METTL27: variants seen among roughly 807,000 people sequenced by gnomAD.
METTL27 encodes the protein methyltransferase like 27, also known as methyltransferase-like protein 27.
Under a neutral mutation model 24.5 loss-of-function variants are expected in METTL27, and 29 were observed. The ratio of observed to expected loss-of-function variants is 1.18; its 90% confidence interval spans 0.88 to 1.61. METTL27 has a LOEUF of 1.61. Among genes scored for constraint, METTL27 ranks in the 40% most tolerant of loss-of-function variants. The pLI is 0.00. For missense variants in METTL27, 341 were observed against 324.3 expected, an observed-to-expected ratio of 1.05 and a Z score of -0.40; for synonymous variants, 138 against 146.8, an observed-to-expected ratio of 0.94 and a Z score of 0.43.
intron 5 of METTL27, among the ~76,000 whole-genome samples, chr7:73,835,660 CTG>C (rs1440971556): frequency 6.9e-6 from 1 of 145,026 alleles, no homozygotes. Context: ...AGGAGCATCT[CTG>C]CCTGGCCGCC....
chr7:73,840,256 T>C, intron 4 of METTL27, 136 bp from the exon 5 acceptor site: 6 of 1,444,838 alleles, frequency 4.2e-6, no homozygotes, highest in Non-Finnish European at 5.6e-6. Context: ...CCCTAGAGGA[T>C]AAGGTAAGTA....
chr7:73,838,567 C>T (rs1162816915), intron 5 of METTL27, among the ~76,000 whole-genome samples: 5 of 152,052 alleles, frequency 3.3e-5, no homozygotes, highest in African/African-American at 7.2e-5. Flanking sequence ...TAGAAGGGAG[C>T]GCAGTGAGAG....
Position 73,841,081 on chromosome 7 carries a change from C to T in METTL27, c.241G>A (p.Val81Met), listed in dbSNP as rs1042013064. 17 of 1,506,136 alleles carry T rather than the reference C, an allele frequency of 1.1e-5. No individual in the cohort carries two copies. Among genetic ancestry groups the T allele is most frequent in the Admixed American group, 8.3e-5 (3 of 36,110 alleles). The allele number at this position is 1,506,136 out of a possible 1,614,324, so 93.3% of individuals were successfully genotyped here. A position where few individuals can be genotyped will look rare whatever the true frequency, so the allele number is the denominator to read the frequency against. Residue 81 changes from valine to methionine, a missense_variant, in exon 3 of 6, where the codon GTG becomes ATG. Coordinates refer to ENST00000297873, the MANE Select transcript of METTL27 (RefSeq NM_152559.3). ...TGGAAGAGCCTCACCTCGGCAGCCA[C>T]TAGGCCTGTGCCACAGGCCACGTCC... ...ILDVACGTGL[V>M]AAELRAPGFL...
rs782230527 is a variant in METTL27, at chr7:73,834,860, A to G, written c.621T>C (p.Ala207=). The G allele has an allele frequency of 1.2e-6, 2 of 1,613,968 alleles. No individual in the cohort carries two copies. The highest frequency in any genetic ancestry group is 1.7e-5 in the Admixed American group (1 of 60,008). ...TCCAGCTCGGAGGTAGCCAGCTCCC[A>G]GCGGTCCACAGGCGGTCCACAGGCC... is the stretch of plus-strand genomic sequence containing the variant. ...VAWPVDRLWT[A]GSWLPPSWRW... The change falls in exon 6 of 6, where the codon GCT becomes GCC. Residue 207 remains alanine, a synonymous_variant. Coordinates refer to ENST00000297873, the MANE Select transcript of METTL27 (RefSeq NM_152559.3).
intron 5 of METTL27, among the ~76,000 whole-genome samples, chr7:73,837,857 T>G (rs1485321840): frequency 6.6e-6 from 1 of 151,954 alleles, no homozygotes; most frequent in African/African-American, 2.4e-5. Context: ...CCCCCCTTTT[T>G]TTTCTTTCTT....
chr7:73,841,788 A>C (rs1788366821), intron 2 of METTL27, among the ~76,000 whole-genome samples: 1 of 151,704 alleles, frequency 6.6e-6, no homozygotes, highest in Non-Finnish European at 1.5e-5. Flanking sequence ...CCCCACAGTG[A>C]CTTCTCAATA....
Position 73,836,236 on chromosome 7 carries a change from C to T in METTL27, c.479-1234G>A, listed in dbSNP as rs1349599257. Among the ~76,000 whole-genome samples, 4 of 115,740 alleles carry T rather than the reference C, an allele frequency of 3.5e-5. No homozygotes were observed. In the South Asian group the frequency reaches 9.5e-4, roughly 28 times the overall value. 75.9% of individuals were successfully genotyped at this position (115,740 alleles called of 152,430 possible). ...CCGTCCGGGAGGGAGGTGGGGGCAT[C>T]AGCCCCCCGCCCGGCCAGCCGCCCC... On this transcript the variant is annotated intron_variant, in intron 5 of 5. Coordinates refer to ENST00000297873, the MANE Select transcript of METTL27 (RefSeq NM_152559.3).
At position 73,834,937 on chromosome 7, in the gene METTL27, C is replaced by T; in HGVS notation, c.544G>A (p.Ala182Thr). ...GCCTGCTCCAGCCTGTCCAGGGTGG[C>T]CTCCAGAGCCTCCTTGTATTGAAGG... ...SNLQYKEALE[A>T]TLDRLEQAGM... Residue 182 changes from alanine to threonine, a missense_variant, in exon 6 of 6, where the codon GCC becomes ACC. Coordinates refer to ENST00000297873, the MANE Select transcript of METTL27 (RefSeq NM_152559.3). 1 of 1,613,940 alleles carries T rather than the reference C, an allele frequency of 6.2e-7. No individual in the cohort carries two copies. The highest frequency in any genetic ancestry group is 8.5e-7 in the Non-Finnish European group (1 of 1,179,964).
Position 73,842,063 on chromosome 7 carries a change from G to A in METTL27, c.78C>T (p.Ala26=), listed in dbSNP as rs782068699. ...VRAAHGIPDL[A]QKLHFYDRWA... Reference sequence around the variant, plus strand: ...AGCGGTCATAGAAATGGAGCTTTTGGGCCAGGTCGGGGATGCCATGCGCGG... The same window carrying A: ...AGCGGTCATAGAAATGGAGCTTTTGAGCCAGGTCGGGGATGCCATGCGCGG... The change falls in exon 2 of 6, where the codon GCC becomes GCT. Residue 26 remains alanine, a synonymous_variant. Coordinates refer to ENST00000297873, the MANE Select transcript of METTL27 (RefSeq NM_152559.3). The A allele has an allele frequency of 5.0e-6, 8 of 1,613,934 alleles. No individual in the cohort carries two copies. The South Asian group carries it at 8.8e-5, about 18-fold the overall frequency.
At chr7:73,835,134 T>A in intron 5 of METTL27, 132 bp from the exon 6 acceptor site, 2 of 1,349,898 alleles carry the variant, frequency 1.5e-6, no homozygotes, top group Non-Finnish European at 1.9e-6. Context: ...TCCCTCTCCC[T>A]CTCCCTCTCC....
chr7:73,834,839 G>C lies in METTL27; in HGVS notation c.642C>G (p.Ser214Arg). 6.2e-7 allele frequency: 1 copy of C among 1,614,092 alleles called. No homozygotes were observed. The highest frequency in any genetic ancestry group is 1.1e-5 in the South Asian group (1 of 91,086). The change falls in exon 6 of 6, where the codon AGC becomes AGG. Residue 214 changes from serine to arginine, a missense_variant. Ser to Arg is a moderately radical substitution (Grantham distance 110). Coordinates refer to ENST00000297873, the MANE Select transcript of METTL27 (RefSeq NM_152559.3). ...GCAGAGATGCCGGATACCACCTCCA[G>C]CTCGGAGGTAGCCAGCTCCCAGCGG... ...LWTAGSWLPP[S>R]WRWYPASLPR...
chr7:73,837,145 C>A (rs1348059746), intron 5 of METTL27, among the ~76,000 whole-genome samples: 1 of 143,606 alleles, frequency 7.0e-6, no homozygotes, highest in Non-Finnish European at 1.5e-5. Flanking sequence ...ACAAACACTG[C>A]GGAAGGCCGC....
intron 5 of METTL27, among the ~76,000 whole-genome samples, chr7:73,835,745 C>A: frequency 1.2e-5 from 1 of 81,210 alleles, no homozygotes; most frequent in East Asian, 3.3e-4. Flanking sequence ...TCCGCCCGGC[C>A]GCCATCCGAC....
At chr7:73,836,315 A>T (rs1317724057) in intron 5 of METTL27, among the ~76,000 whole-genome samples, 1 of 127,046 alleles carries the variant, frequency 7.9e-6, no homozygotes, top group Non-Finnish European at 1.7e-5. Flanking sequence ...TGCCCCGTCC[A>T]GTAGGTGAGG....
rs1212592049 is a variant in METTL27, at chr7:73,836,804, GA to G, written c.479-1803del. ...GTGTGCCCAACAGCTCATTGAGAAC[GA>G]GCCAGGATGACAATGGCGGCTTTGT... On this transcript the variant is annotated intron_variant, in intron 5 of 5. Transcript: ENST00000297873. Among the ~76,000 whole-genome samples the G allele has an allele frequency of 2.4e-5, 2 of 81,848 alleles. 1 individual carries two copies. 53.7% of individuals were successfully genotyped at this position (81,848 alleles called of 152,430 possible).
At position 73,834,797 on chromosome 7, in the gene METTL27, A is replaced by C. The variant is rs782065097; in HGVS notation, c.684T>G (p.Ser228=). The change falls in exon 6 of 6, where the codon TCT becomes TCG. Residue 228 remains serine, a synonymous_variant. Coordinates refer to ENST00000297873, the MANE Select transcript of METTL27 (RefSeq NM_152559.3). ...YPASLPRMAS[S]PALSTCTESG... ...TTTCGGTACAGGTAGACAATGCCGG[A>C]GATGAAGCCATCCTTGGCAGAGATG... The C allele has an allele frequency of 1.9e-6, 3 of 1,614,024 alleles. No homozygotes were observed. The South Asian group carries it at 3.3e-5, about 18-fold the overall frequency.
chr7:73,837,323 A>T (rs1277851489), intron 5 of METTL27, among the ~76,000 whole-genome samples: 4 of 146,166 alleles, frequency 2.7e-5, no homozygotes, highest in Admixed American at 1.4e-4. Context: ...AAAATAAAAA[A>T]AAATAAAAAG....
chr7:73,838,349 T>C (rs984908098), intron 5 of METTL27, among the ~76,000 whole-genome samples: 5 of 152,172 alleles, frequency 3.3e-5, no homozygotes, highest in Non-Finnish European at 7.4e-5. Context: ...GATGATTATC[T>C]AACATCACAG....
intron 2 of METTL27, 61 bp from the exon 3 acceptor site, chr7:73,841,259 T>C: frequency 6.6e-7 from 1 of 1,525,996 alleles, no homozygotes; most frequent in Non-Finnish European, 8.7e-7. Context: ...ATCTCCCTTA[T>C]GGGGTGGTCT....
Sources: allele counts gnomAD v4.1 joint callset (sites outside exome capture counted in the v4.1 genomes callset), GRCh38; gene constraint gnomAD v4.1.1; transcripts MANE v1.5; gene names NCBI Gene and HGNC (gene_info 2026-07-23, HGNC 2026-07-21).